Variants in ZNF177 observed in about 807,000 individuals in gnomAD.
ZNF177 encodes the protein zinc finger protein 177.
Under a neutral mutation model 19.4 loss-of-function variants are expected in ZNF177, and 17 were observed. The observed-to-expected ratio is 0.87, with a 90% confidence interval of 0.60 to 1.31. The LOEUF (loss-of-function observed/expected upper bound fraction) is 1.31, where lower values mean the gene tolerates loss of function less well. Ranked by LOEUF, ZNF177 falls within the 40% of genes most tolerant of loss-of-function variation. ZNF177 has a pLI of 0.00. For synonymous variants in ZNF177, 220 were observed against 188.7 expected (o/e 1.17, Z -1.36); for missense variants, 633 against 561.8 (o/e 1.13, Z -1.28).
At chr19:9,366,780 C>T (rs899299263) in intron 2 of ZNF177, among the ~76,000 whole-genome samples, 9 of 152,148 alleles carry the variant, frequency 5.9e-5, no homozygotes, top group Admixed American at 5.9e-4. Context: ...TGTTTGCCAA[C>T]GTGGCAGCAC....
At chr19:9,380,874 T>C in exon 6 of ZNF177, 1 of 1,536,110 alleles carries the variant, frequency 6.5e-7, no homozygotes, top group Non-Finnish European at 8.7e-7. Context: ...TTACTGATTG[T>C]AGAAAAGCTT....
At chr19:9,373,732 T>C (rs952250656), upstream of ZNF177, among the ~76,000 whole-genome samples, 4 of 152,334 alleles carry the variant, frequency 2.6e-5, no homozygotes, top group Admixed American at 6.5e-5. Flanking sequence ...TGGCCATTTT[T>C]ATTTCTTCTT....
chr19:9,380,402 A>C (rs752272007), intron 5 of ZNF177, among the ~76,000 whole-genome samples: 4 of 152,188 alleles, frequency 2.6e-5, no homozygotes, highest in South Asian at 2.1e-4. Flanking sequence ...TTAGTACATA[A>C]TTCATTCATT....
chr19:9,368,717 G>A (rs945419693), intron 2 of ZNF177, among the ~76,000 whole-genome samples: 3 of 152,044 alleles, frequency 2.0e-5, no homozygotes, highest in Admixed American at 1.3e-4. Context: ...ATAGTATTAT[G>A]TATTTTCTAA....
chr19:9,381,566 T>C (rs776045866), exon 6 of ZNF177: 13 of 1,613,050 alleles, frequency 8.1e-6, no homozygotes, highest in Middle Eastern at 3.3e-4. Context: ...TCTTACCTTA[T>C]TGTGCACAAG....
In ZNF177 at chr19:9,380,049, T is replaced by C. The variant is rs1395261082; in HGVS notation, c.254-8T>C. On this transcript the variant is annotated splice_region_variant and splice_polypyrimidine_tract_variant and intron_variant, in intron 4 of 5. Transcript: ENST00000589262. ...CCAATAATTATAAAAATTCCTGTGC[T>C]ATTTCAGACTGGGAAACTCAACTTA... The C allele has an allele frequency of 2.5e-6, 4 of 1,607,430 alleles. No homozygotes were observed. The highest frequency in any genetic ancestry group is 1.7e-5 in the Admixed American group (1 of 58,016).
intron 2 of ZNF177, among the ~76,000 whole-genome samples, chr19:9,367,622 A>G (rs2067997719): frequency 6.6e-6 from 1 of 152,162 alleles, no homozygotes; most frequent in Non-Finnish European, 1.5e-5. Flanking sequence ...ATTTGCCTAT[A>G]ATTTTGTTTA....
intron 4 of ZNF177, 194 bp downstream of exon 6, chr19:9,379,813 C>G (rs1265383323): frequency 1.8e-6 from 1 of 568,292 alleles, no homozygotes; most frequent in African/African-American, 4.8e-5. Context: ...TGTAATGTCT[C>G]CATGAATGCT....
upstream of ZNF177, among the ~76,000 whole-genome samples, chr19:9,373,378 CAGCT>C (rs1018880192): frequency 6.6e-6 from 1 of 152,162 alleles, no homozygotes; most frequent in African/African-American, 2.4e-5. Context: ...TTCCATATAG[CAGCT>C]ATTATAAATA....
exon 6 of ZNF177, chr19:9,381,093 G>A: frequency 1.2e-6 from 2 of 1,612,322 alleles, no homozygotes; most frequent in Non-Finnish European, 1.7e-6. Context: ...GTGTGGAGGA[G>A]GGTTTGGAAT....
At chr19:9,370,771 C>G (rs2068037963) in intron 2 of ZNF177, among the ~76,000 whole-genome samples, 1 of 152,084 alleles carries the variant, frequency 6.6e-6, no homozygotes, top group Non-Finnish European at 1.5e-5. Flanking sequence ...GGGGGAAGGT[C>G]TACATGTTCA....
chr19:9,380,812 T>A (rs1234075098), exon 6 of ZNF177: 13 of 1,535,996 alleles, frequency 8.5e-6, no homozygotes, highest in Non-Finnish European at 1.1e-5. Flanking sequence ...CAACCATCCC[T>A]CAACTCTTAG....
upstream of ZNF177, among the ~76,000 whole-genome samples, chr19:9,373,353 C>T (rs903769579): frequency 6.6e-6 from 1 of 152,160 alleles, no homozygotes; most frequent in Non-Finnish European, 1.5e-5. Flanking sequence ...ATTCAGCAAT[C>T]GACAAACACG....
At chr19:9,381,142 C>T (rs1227621388) in exon 6 of ZNF177, 2 of 1,614,024 alleles carry the variant, frequency 1.2e-6, no homozygotes, top group South Asian at 2.2e-5. Flanking sequence ...CCCTTTGTCC[C>T]TTCAGAACTG....
At chr19:9,370,668 T>A (rs889031254) in intron 2 of ZNF177, among the ~76,000 whole-genome samples, 9 of 152,134 alleles carry the variant, frequency 5.9e-5, no homozygotes, top group African/African-American at 2.2e-4. Flanking sequence ...GGCATCCTCC[T>A]GCCCCAGCTT....
chr19:9,366,420 CTAT>C (rs1343399852), intron 2 of ZNF177, among the ~76,000 whole-genome samples: 1 of 152,068 alleles, frequency 6.6e-6, no homozygotes, highest in African/African-American at 2.4e-5. Flanking sequence ...CCAAGCCTGG[CTAT>C]TTTTTTAAAT....
intron 5 of ZNF177, 91 bp from the exon 8 acceptor site, chr19:9,380,577 T>C (rs1045278704): frequency 7.8e-6 from 12 of 1,535,292 alleles, no homozygotes; most frequent in Non-Finnish European, 1.0e-5. Context: ...ATGTGCTTCC[T>C]ATATATGGCA....
intron 2 of ZNF177, among the ~76,000 whole-genome samples, chr19:9,366,547 A>G: frequency 6.6e-6 from 1 of 152,150 alleles, no homozygotes; most frequent in Non-Finnish European, 1.5e-5. Flanking sequence ...ATGAGTCACC[A>G]TGCCTGGCCT....
exon 6 of ZNF177, chr19:9,381,891 G>T: frequency 6.9e-7 from 1 of 1,458,674 alleles, no homozygotes; most frequent in Non-Finnish European, 9.1e-7. Flanking sequence ...CCCAACTCTG[G>T]ATGCCTGTTA....
Sources: allele counts gnomAD v4.1 joint callset (sites outside exome capture counted in the v4.1 genomes callset), GRCh38; gene constraint gnomAD v4.1.1; transcripts MANE v1.5; gene names NCBI Gene and HGNC (gene_info 2026-07-23, HGNC 2026-07-21).